Variants in GALNT17 observed in about 807,000 individuals in gnomAD.
GALNT17 encodes UDP-GalNAc:polypeptide N-acetylgalactosaminyltransferase-like 3.
In GALNT17, 29 loss-of-function variants were observed where a neutral mutation model predicts 63.7. The ratio of observed to expected loss-of-function variants is 0.46; its 90% confidence interval spans 0.34 to 0.62. The LOEUF (loss-of-function observed/expected upper bound fraction) is 0.62, where lower values mean the gene tolerates loss of function less well. GALNT17 is among the 20% of genes least tolerant of loss of function. The pLI, the probability that GALNT17 is intolerant of heterozygous loss-of-function variation, is 0.01. For missense variants in GALNT17, 603 were observed against 799.6 expected (o/e 0.75, Z 2.97); for synonymous variants, 305 against 318.3 (o/e 0.96, Z 0.45).
chr7:71,168,727 G>GTGTGTT (rs971001805), intron 1 of GALNT17, among the ~76,000 whole-genome samples: 13 of 151,952 alleles, frequency 8.6e-5, no homozygotes, highest in African/African-American at 3.1e-4. Context: ...GTGTGTGTGT[G>GTGTGTT]TGTGTGTGGT....
chr7:71,343,676 G>A (rs1792043154), intron 2 of GALNT17, among the ~76,000 whole-genome samples: 1 of 151,954 alleles, frequency 6.6e-6, no homozygotes, highest in African/African-American at 2.4e-5. Flanking sequence ...GTTTTGTGTT[G>A]CTTTTCTATG....
rs1311801660 is a variant in GALNT17 at position 71,388,227 on chromosome 7, T to C, written c.423-8T>C. 2 of 1,612,604 alleles carry C rather than the reference T, an allele frequency of 1.2e-6. No individual in the cohort carries two copies. Among genetic ancestry groups the C allele is most frequent in the South Asian group, 2.2e-5 (2 of 90,838 alleles). On this transcript the variant is annotated splice_polypyrimidine_tract_variant and splice_region_variant and intron_variant, in intron 2 of 10. Transcript: ENST00000333538. Reference sequence around the variant, plus strand: ...CTGACTCTGCATTTCCGATCTCTCCTTCCCCAGGTGTAAGGAGCTCAAGTA... The same window carrying C: ...CTGACTCTGCATTTCCGATCTCTCCCTCCCCAGGTGTAAGGAGCTCAAGTA...
chr7:71,706,494 C>A (rs1330112755), intron 9 of GALNT17, among the ~76,000 whole-genome samples: 2 of 152,178 alleles, frequency 1.3e-5, no homozygotes, highest in African/African-American at 4.8e-5. Flanking sequence ...TTCATAATTT[C>A]AGTAAGCAGC....
chr7:71,271,839 A>G (rs1317498161), intron 1 of GALNT17, among the ~76,000 whole-genome samples: 1 of 152,148 alleles, frequency 6.6e-6, no homozygotes, highest in African/African-American at 2.4e-5. Flanking sequence ...AGTTCACTGC[A>G]GCGTCGACCT....
At chr7:71,626,740 T>C (rs927207473) in intron 6 of GALNT17, among the ~76,000 whole-genome samples, 1 of 152,216 alleles carries the variant, frequency 6.6e-6, no homozygotes, top group African/African-American at 2.4e-5. Context: ...AGGGTAGAAC[T>C]ACACCACCTT....
intron 2 of GALNT17, among the ~76,000 whole-genome samples, chr7:71,358,855 C>A (rs1303931805): frequency 6.6e-6 from 1 of 151,782 alleles, no homozygotes; most frequent in Non-Finnish European, 1.5e-5. Context: ...CTCACTGCAA[C>A]CTCTGTGTCC....
At position 71,370,114 on chromosome 7, in the gene GALNT17, G is replaced by A. The variant is rs1211012691; in HGVS notation, c.423-18121G>A. Among the ~76,000 whole-genome samples, 5 of 152,204 alleles carry A rather than the reference G, an allele frequency of 3.3e-5. No individual in the cohort carries two copies. The East Asian group carries it at 9.7e-4, about 29-fold the overall frequency. On this transcript the variant is annotated intron_variant, in intron 2 of 10. Transcript: ENST00000333538. Reference sequence around the variant, plus strand: ...GCTTCTTAATAAAACACCCAGCCCCGGCTCCCATCCTGTATGGCATTGTCA... The same window carrying A: ...GCTTCTTAATAAAACACCCAGCCCCAGCTCCCATCCTGTATGGCATTGTCA...
chr7:71,328,348 C>G (rs1791739852), intron 1 of GALNT17, among the ~76,000 whole-genome samples: 1 of 152,184 alleles, frequency 6.6e-6, no homozygotes, highest in East Asian at 1.9e-4. Flanking sequence ...CAAGAAGCCA[C>G]CCCATTCTCT....
At chr7:71,353,369 A>G (rs1177216873) in intron 2 of GALNT17, among the ~76,000 whole-genome samples, 1 of 152,178 alleles carries the variant, frequency 6.6e-6, no homozygotes, top group African/African-American at 2.4e-5. Flanking sequence ...ATTCTCTTAC[A>G]TAACCACAGG....
At chr7:71,582,049 C>G (rs1017410421) in intron 6 of GALNT17, among the ~76,000 whole-genome samples, 15 of 152,026 alleles carry the variant, frequency 9.9e-5, no homozygotes, top group Admixed American at 9.8e-4. Flanking sequence ...TGTGTTATAC[C>G]TGGTGGGAAT....
At chr7:71,685,149 A>G (rs1188062688) in intron 9 of GALNT17, among the ~76,000 whole-genome samples, 2 of 152,150 alleles carry the variant, frequency 1.3e-5, no homozygotes, top group Non-Finnish European at 2.9e-5. Context: ...AGCAAAACAC[A>G]GTGGAAAGAC....
At chr7:71,409,011 T>TAAACACAC (rs1554366748) in intron 3 of GALNT17, among the ~76,000 whole-genome samples, 1 of 77,842 alleles carries the variant, frequency 1.3e-5, no homozygotes, top group African/African-American at 5.4e-5. Context: ...TATATGCACA[T>TAAACACAC]ACACAAACAC....
chr7:71,307,293 A>C (rs1356630249), intron 1 of GALNT17, among the ~76,000 whole-genome samples: 2 of 152,074 alleles, frequency 1.3e-5, no homozygotes, highest in African/African-American at 4.8e-5. Flanking sequence ...ATCCTCGCCA[A>C]CACTTGTTAT....
At chr7:71,140,873 TAGCC>T (rs1173076462) in intron 1 of GALNT17, among the ~76,000 whole-genome samples, 1 of 151,310 alleles carries the variant, frequency 6.6e-6, no homozygotes, top group Non-Finnish European at 1.5e-5. Flanking sequence ...AATAAAAAAT[TAGCC>T]AGACATTGTG....
At chr7:71,477,286 G>T (rs1265222868) in intron 5 of GALNT17, among the ~76,000 whole-genome samples, 1 of 152,154 alleles carries the variant, frequency 6.6e-6, no homozygotes, top group African/African-American at 2.4e-5. Flanking sequence ...ATGGGATTAT[G>T]AGTGGGAACT....
intron 1 of GALNT17, among the ~76,000 whole-genome samples, chr7:71,238,488 G>A (rs1437459177): frequency 6.6e-6 from 1 of 152,144 alleles, no homozygotes; most frequent in Non-Finnish European, 1.5e-5. Context: ...GCCTCCCAAA[G>A]TGTTGGGGTT....
At chr7:71,623,944 A>G (rs1790333964) in intron 6 of GALNT17, among the ~76,000 whole-genome samples, 1 of 152,224 alleles carries the variant, frequency 6.6e-6, no homozygotes, top group Non-Finnish European at 1.5e-5. Flanking sequence ...ATAGTGGACC[A>G]AGGGGTCCCC....
At position 71,710,696 on chromosome 7, in the gene GALNT17, G is replaced by C. The variant is rs867488301; in HGVS notation, c.1501-65G>C. 75 of 1,578,482 alleles carry C rather than the reference G, an allele frequency of 4.8e-5. No homozygotes were observed. The Middle Eastern group carries it at 1.4e-3, about 29-fold the overall frequency. ...AGTAAAGCCGAGAGACCTGAGCCCTGCTTCCTCCCATGTCTCACTCCTGCC... is the reference window on the plus strand; with the variant it reads ...AGTAAAGCCGAGAGACCTGAGCCCTCCTTCCTCCCATGTCTCACTCCTGCC... On this transcript the variant is annotated intron_variant, in intron 9 of 10. Transcript: ENST00000333538.
At chr7:71,527,252 A>C (rs1788639471) in intron 5 of GALNT17, among the ~76,000 whole-genome samples, 2 of 152,242 alleles carry the variant, frequency 1.3e-5, no homozygotes, top group African/African-American at 4.8e-5. Context: ...ATGATATATA[A>C]AAATCTTGTA....
Sources: gnomAD v4.1 joint callset for allele counts (sites outside exome capture counted in the v4.1 genomes callset) on GRCh38, gnomAD v4.1.1 for gene constraint, MANE v1.5 for transcripts, NCBI Gene and HGNC (gene_info 2026-07-23, HGNC 2026-07-21) for gene names.